The following ZNF518A variants were observed in gnomAD, a reference collection of about 807,000 sequenced individuals.
The protein encoded by ZNF518A is zinc finger protein 518A, also known as zinc finger protein 518.
Under a neutral mutation model 102.7 loss-of-function variants are expected in ZNF518A, and 47 were observed. That is an observed-to-expected ratio of 0.46 (90% CI 0.36 to 0.58). The LOEUF (loss-of-function observed/expected upper bound fraction) is 0.58, where lower values mean the gene tolerates loss of function less well. Among genes scored for constraint, ZNF518A ranks in the 20% least tolerant of loss-of-function variants. The pLI is 0.00. For synonymous variants in ZNF518A, 652 were observed against 594.6 expected (o/e 1.10, Z -1.40); for missense variants, 1,793 against 1,699.8 (o/e 1.05, Z -0.96).
intron 3 of ZNF518A, among the ~76,000 whole-genome samples, chr10:96,143,131 A>G (rs1405083323): frequency 6.6e-6 from 1 of 152,068 alleles, no homozygotes; most frequent in East Asian, 1.9e-4. Context: ...TATGTATGTT[A>G]ACATTACCAG....
intron 1 of ZNF518A, among the ~76,000 whole-genome samples, chr10:96,183,169 C>T (rs1554892184): frequency 6.6e-6 from 1 of 151,908 alleles, no homozygotes; most frequent in Non-Finnish European, 1.5e-5. Context: ...GTGGTGATAT[C>T]CCCTTTATCA....
rs1554883163 is a variant in ZNF518A at position 96,157,251 on chromosome 10, G to A, written c.929G>A (p.Gly310Glu). 1 of 1,610,648 alleles carries A rather than the reference G, an allele frequency of 6.2e-7. No individual in the cohort carries two copies. The highest frequency in any genetic ancestry group is 8.5e-7 in the Non-Finnish European group (1 of 1,178,688). Residue 310 changes from glycine (G) to glutamate (E), a missense_variant, in exon 6 of 6, where the codon GGA becomes GAA. This residue lies in a region of ZNF518A where 1,741 missense variants were observed against 1,622.6 expected (regional missense o/e 1.07). Coordinates refer to ENST00000316045, the MANE Select transcript of ZNF518A (RefSeq NM_001330736.2). ...AAAAGAATGGCAAAGACTTCTGCAG[G>A]ACTTAAGCTAATACTGAAAAGATAT... The part of the protein sequence containing the change: ...YEKRMAKTSA[G>E]LKLILKRYKI...
chr10:96,142,757 C>G (rs1554877055), intron 3 of ZNF518A, among the ~76,000 whole-genome samples: 1 of 150,542 alleles, frequency 6.6e-6, no homozygotes, highest in African/African-American at 2.4e-5. Flanking sequence ...TGGCATTTTA[C>G]TTTGGGAATT....
Position 96,200,915 on chromosome 10 carries a change from C to T in ZNF518A, n.36-2659C>T. ...AGGTTCACTCCAAATGTCTTCTTCTCAGAAGACATGCTCTTTCCTGCAGTT... is the reference window on the plus strand; with the variant it reads ...AGGTTCACTCCAAATGTCTTCTTCTTAGAAGACATGCTCTTTCCTGCAGTT... On this transcript the variant is annotated intron_variant and non_coding_transcript_variant, in intron 1 of 2. Coordinates refer to the ZNF518A transcript ENST00000442635. This position sits in a 1 kb window ranked among gnomAD's most constrained non-coding sequence, Gnocchi z 4.3. 1 of 1,375,996 alleles carries T rather than the reference C, an allele frequency of 7.3e-7. No individual in the cohort carries two copies. The allele number at this position is 1,375,996 out of a possible 1,614,324, so 85.2% of individuals were successfully genotyped here.
chr10:96,144,961 A>G (rs1055153299), intron 3 of ZNF518A, among the ~76,000 whole-genome samples: 1 of 152,202 alleles, frequency 6.6e-6, no homozygotes, highest in African/African-American at 2.4e-5. Context: ...ATATAGGCAA[A>G]ATTAGGTTGG....
At chr10:96,179,884 A>ATTT (rs35286562) in intron 1 of ZNF518A, among the ~76,000 whole-genome samples, 16,268 of 120,814 alleles carry the variant, frequency 0.13, 1,084 homozygotes, top group African/African-American at 0.24. Context: ...TCTTTCTTTC[A>ATTT]TTTTTTTTTT....
chr10:96,181,636 AAGATCAC>A (rs2133893111), intron 1 of ZNF518A, among the ~76,000 whole-genome samples: 1 of 152,308 alleles, frequency 6.6e-6, no homozygotes, highest in African/African-American at 2.4e-5. Context: ...AGGTGTGTCA[AAGATCAC>A]ATGGTTGTAG....
intron 1 of ZNF518A, among the ~76,000 whole-genome samples, chr10:96,168,943 G>C (rs1167380726): frequency 6.6e-6 from 1 of 152,132 alleles, no homozygotes; most frequent in Non-Finnish European, 1.5e-5. Flanking sequence ...GAGGTTTTCA[G>C]TTATTCAAAT....
At chr10:96,203,946 C>A (rs1463919010) in exon 3 of ZNF518A, 5 of 819,646 alleles carry the variant, frequency 6.1e-6, no homozygotes, top group Non-Finnish European at 1.0e-5. Context: ...GAGAAGATGC[C>A]AGGATAACGC....
chr10:96,131,759 A>G (rs961287834), intron 1 of ZNF518A, among the ~76,000 whole-genome samples: 6 of 152,338 alleles, frequency 3.9e-5, no homozygotes, highest in Admixed American at 2.0e-4. Flanking sequence ...AAATGCTTCA[A>G]TTTTTTGCCA....
At chr10:96,202,194 G>C (rs1463598272) in intron 1 of ZNF518A, among the ~76,000 whole-genome samples, 1 of 152,172 alleles carries the variant, frequency 6.6e-6, no homozygotes, top group Non-Finnish European at 1.5e-5. Context: ...CATGACTCAA[G>C]AGCTGTAATG....
chr10:96,204,082 G>A, exon 3 of ZNF518A: 1 of 1,613,836 alleles, frequency 6.2e-7, no homozygotes, highest in African/African-American at 1.3e-5. Flanking sequence ...GTTTTTGGTG[G>A]ATTTGTCTGC....
chr10:96,159,762 T>A lies in ZNF518A; in HGVS notation c.3440T>A (p.Ile1147Asn). The A allele has an allele frequency of 2.5e-6, 4 of 1,613,380 alleles. No homozygotes were observed. The highest frequency in any genetic ancestry group is 2.2e-5 in the South Asian group (2 of 91,068). ...ACACCACAAAGAATATTGCTGAAAA[T>A]TTTTAACCCTGTTTTAAATGTGACT... ...EGTPQRILLK[I>N]FNPVLNVTAA... Residue 1147 changes from isoleucine (I) to asparagine (N), a missense_variant, in exon 6 of 6, where the codon ATT (isoleucine) becomes AAT (asparagine). Physicochemically the swap from Ile to Asn is moderately radical, Grantham distance 149. Around this residue, in one of 3 missense-constraint regions of ZNF518A, gnomAD observed 1,741 missense variants for 1,622.6 expected, o/e 1.07. Transcript: ENST00000316045.
In ZNF518A at chr10:96,155,383, G is replaced by T. The variant is rs890854371; in HGVS notation, c.-251+7G>T. On this transcript the variant is annotated splice_region_variant and intron_variant, in intron 4 of 5. Coordinates refer to ENST00000316045, the MANE Select transcript of ZNF518A (RefSeq NM_001330736.2). ...GTCTAAAGTAACATGACCAGTAAGT[G>T]CTTGAATTAATGCAGGTAGGTAGTG... 6.6e-5 allele frequency: 10 copies of T among 152,298 alleles called. No homozygotes were observed. The highest frequency in any genetic ancestry group is 2.4e-4 in the African/African-American group (10 of 41,548). The allele number at this position is 152,298 out of a possible 1,614,324, so 9.4% of individuals were successfully genotyped here. A position where few individuals can be genotyped will look rare whatever the true frequency, so the allele number is the denominator to read the frequency against.
rs1368827153 is a variant in ZNF518A at position 96,130,639 on chromosome 10, G to A, written c.-566G>A. Reference sequence around the variant, plus strand: ...GCACCCCTCGAGCTATAGGTTCGCAGGCCCGACTCGACGGCGTCCCTATTG... The same window carrying A: ...GCACCCCTCGAGCTATAGGTTCGCAAGCCCGACTCGACGGCGTCCCTATTG... On this transcript the variant is annotated 5_prime_UTR_variant, in exon 1 of 6. Transcript: ENST00000316045. 7 of 152,500 alleles carry A rather than the reference G, an allele frequency of 4.6e-5. No homozygotes were observed. Among genetic ancestry groups the A allele is most frequent in the African/African-American group, 1.7e-4 (7 of 41,592 alleles). The allele number at this position is 152,500 out of a possible 1,614,324, so 9.4% of individuals were successfully genotyped here.
chr10:96,204,099 G>T lies in ZNF518A; in HGVS notation n.270G>T, dbSNP rs943669594. The T allele has an allele frequency of 1.2e-6, 2 of 1,613,638 alleles. No individual in the cohort carries two copies. Among genetic ancestry groups the T allele is most frequent in the African/African-American group, 2.7e-5 (2 of 74,914 alleles). On this transcript the variant is annotated non_coding_transcript_exon_variant, in exon 3 of 3. Coordinates refer to the ZNF518A transcript ENST00000442635. ...TTTTGGTGGATTTGTCTGCAAGAAA[G>T]AATTTCAGATAATTAAAGGACAAAG...
chr10:96,189,579 A>T (rs1431572412), intron 1 of ZNF518A: 1 of 681,284 alleles, frequency 1.5e-6, no homozygotes, highest in East Asian at 3.0e-5. Context: ...TTGTCCTTTT[A>T]ATCTTGGTGT....
chr10:96,148,287 A>T (rs2082262637), intron 3 of ZNF518A, among the ~76,000 whole-genome samples: 1 of 152,130 alleles, frequency 6.6e-6, no homozygotes, highest in African/African-American at 2.4e-5. Flanking sequence ...CTAAAAATAC[A>T]AAATTAGCCT....
chr10:96,177,160 T>C (rs1554891579), intron 1 of ZNF518A, among the ~76,000 whole-genome samples: 1 of 151,876 alleles, frequency 6.6e-6, no homozygotes, highest in Non-Finnish European at 1.5e-5. Flanking sequence ...AGTACACATA[T>C]GTGTTGAGAA....
Sources: gnomAD v4.1 joint callset for allele counts (sites outside exome capture counted in the v4.1 genomes callset) on GRCh38, gnomAD v4.1.1 for gene constraint, gnomAD v4.1.1 regional missense constraint, Gnocchi (gnomAD v3.1) non-coding constraint, MANE v1.5 for transcripts, NCBI Gene and HGNC (gene_info 2026-07-23, HGNC 2026-07-21) for gene names.